Variants in ARHGAP15 observed in about 807,000 individuals in gnomAD.
ARHGAP15 encodes the protein rho GTPase-activating protein 15.
ARHGAP15 carries 51 observed loss-of-function variants against 63.7 expected under a neutral mutation model. The ratio of observed to expected loss-of-function variants is 0.80; its 90% CI spans 0.64 to 1.01. ARHGAP15 has a LOEUF of 1.01. Ranked by LOEUF, ARHGAP15 falls within the 50% of genes least tolerant of loss-of-function variation. The pLI is 0.00. For missense variants in ARHGAP15, 560 were observed against 564.6 expected, an observed-to-expected ratio of 0.99 and a Z score of 0.08; for synonymous variants, 191 against 193.8, an observed-to-expected ratio of 0.99 and a Z score of 0.12.
At chr2:143,627,812 C>G (rs1349891572) in intron 12 of ARHGAP15, among the ~76,000 whole-genome samples, 2 of 151,958 alleles carry the variant, frequency 1.3e-5, no homozygotes, top group East Asian at 3.9e-4. Context: ...TTTGCAGATG[C>G]TGTTTTTGTG....
intron 10 of ARHGAP15, among the ~76,000 whole-genome samples, chr2:143,542,853 A>G (rs908135828): frequency 2.1e-5 from 3 of 143,196 alleles, no homozygotes; most frequent in African/African-American, 7.7e-5. Flanking sequence ...TATGATATAT[A>G]TAATATCACA....
intron 13 of ARHGAP15, among the ~76,000 whole-genome samples, chr2:143,744,592 G>C (rs1296266192): frequency 6.6e-6 from 1 of 152,202 alleles, no homozygotes; most frequent in Non-Finnish European, 1.5e-5. Flanking sequence ...CGCCGCACAA[G>C]AGTGCGAATG....
At chr2:143,573,825 C>T (rs1002710235) in intron 11 of ARHGAP15, among the ~76,000 whole-genome samples, 2 of 152,008 alleles carry the variant, frequency 1.3e-5, no homozygotes, top group Non-Finnish European at 1.5e-5. Flanking sequence ...TTGTTGGAAA[C>T]GAGTGACAAA....
intron 11 of ARHGAP15, among the ~76,000 whole-genome samples, chr2:143,567,086 A>G (rs1696259268): frequency 6.6e-6 from 1 of 152,070 alleles, no homozygotes; most frequent in South Asian, 2.1e-4. Flanking sequence ...CGTGTTAGCC[A>G]GGATGGTCTC....
intron 6 of ARHGAP15, among the ~76,000 whole-genome samples, chr2:143,269,803 G>A (rs1479753143): frequency 6.6e-6 from 1 of 151,990 alleles, no homozygotes; most frequent in Admixed American, 6.5e-5. Flanking sequence ...ACTGGCCACA[G>A]GTTTATGATA....
intron 5 of ARHGAP15, among the ~76,000 whole-genome samples, 189 bp from the exon 6 acceptor site, chr2:143,250,322 G>C (rs6717176): frequency 0.17 from 25,735 of 151,904 alleles, 2,351 homozygotes; most frequent in Middle Eastern, 0.25. Context: ...AAATAAGTCT[G>C]TAATTTTAGA....
intron 9 of ARHGAP15, among the ~76,000 whole-genome samples, chr2:143,511,568 TTTTG>T (rs35790368): frequency 7.5e-4 from 113 of 150,676 alleles, no homozygotes; most frequent in African/African-American, 2.2e-3. Flanking sequence ...AAGTGTTCTT[TTTTG>T]TTTGTTTGTT....
At chr2:143,678,534 C>A (rs1208097947) in intron 12 of ARHGAP15, among the ~76,000 whole-genome samples, 1 of 152,206 alleles carries the variant, frequency 6.6e-6, no homozygotes, top group African/African-American at 2.4e-5. Context: ...CTGTGAGAAG[C>A]CCTGGTTTCT....
intron 13 of ARHGAP15, among the ~76,000 whole-genome samples, chr2:143,745,411 G>A (rs754118081): frequency 2.6e-5 from 4 of 152,098 alleles, no homozygotes; most frequent in Non-Finnish European, 4.4e-5. Flanking sequence ...GCCAGAGCAG[G>A]TCTCTTTGTC....
chr2:143,667,310 T>C (rs1180110150), intron 12 of ARHGAP15, among the ~76,000 whole-genome samples: 2 of 148,660 alleles, frequency 1.3e-5, no homozygotes, highest in African/African-American at 5.0e-5. Flanking sequence ...CTCAGTAAAC[T>C]ATCTCAAGAA....
intron 3 of ARHGAP15, among the ~76,000 whole-genome samples, chr2:143,210,360 G>C (rs557586809): frequency 1.3e-5 from 2 of 151,532 alleles, no homozygotes; most frequent in African/African-American, 4.8e-5. Context: ...CCGGTTGCCA[G>C]ATGAAAGGTT....
At chr2:143,263,996 T>C (rs1414516812) in intron 6 of ARHGAP15, among the ~76,000 whole-genome samples, 2 of 147,702 alleles carry the variant, frequency 1.4e-5, no homozygotes, top group Admixed American at 1.4e-4. Context: ...TTGAGGTTTT[T>C]TTTCATCATT....
intron 12 of ARHGAP15, among the ~76,000 whole-genome samples, chr2:143,646,130 G>C (rs1680865728): frequency 6.6e-6 from 1 of 152,070 alleles, no homozygotes; most frequent in Non-Finnish European, 1.5e-5. Flanking sequence ...AGGGGAAACA[G>C]ACATGTGATG....
chr2:143,379,485 A>ATGTGTGTG (rs1234683861), intron 6 of ARHGAP15, among the ~76,000 whole-genome samples: 25 of 90,184 alleles, frequency 2.8e-4, no homozygotes, highest in South Asian at 7.9e-4. Flanking sequence ...TTAGGCATAT[A>ATGTGTGTG]TATGTGTGTG....
At chr2:143,531,342 T>C (rs1358305067) in intron 10 of ARHGAP15, among the ~76,000 whole-genome samples, 1 of 152,208 alleles carries the variant, frequency 6.6e-6, no homozygotes, top group Admixed American at 6.5e-5. Flanking sequence ...TAGATATGGA[T>C]GCATACATCT....
chr2:143,463,293 G>A (rs1691044619), intron 8 of ARHGAP15, among the ~76,000 whole-genome samples: 1 of 152,020 alleles, frequency 6.6e-6, no homozygotes, highest in Non-Finnish European at 1.5e-5. Context: ...TGTAATCCCA[G>A]CACTTTGGGA....
At chr2:143,730,649 T>C (rs1163440946) in intron 13 of ARHGAP15, among the ~76,000 whole-genome samples, 1 of 152,058 alleles carries the variant, frequency 6.6e-6, no homozygotes, top group African/African-American at 2.4e-5. Flanking sequence ...TGCCCTAAAA[T>C]TTTCTCATTG....
intron 6 of ARHGAP15, among the ~76,000 whole-genome samples, chr2:143,422,197 A>G (rs1478453752): frequency 2.6e-5 from 4 of 152,122 alleles, no homozygotes; most frequent in Non-Finnish European, 5.9e-5. Flanking sequence ...TACAAACCCA[A>G]TACTGGTTCT....
intron 13 of ARHGAP15, among the ~76,000 whole-genome samples, chr2:143,756,585 C>A (rs1452389528): frequency 6.6e-6 from 1 of 151,854 alleles, no homozygotes; most frequent in African/African-American, 2.4e-5. Flanking sequence ...AATTCTTTTA[C>A]TGCTGAGACA....
Sources: gnomAD v4.1 joint callset for allele counts (sites outside exome capture counted in the v4.1 genomes callset) on GRCh38, gnomAD v4.1.1 for gene constraint, MANE v1.5 for transcripts, NCBI Gene and HGNC (gene_info 2026-07-23, HGNC 2026-07-21) for gene names.